AFM: variants seen among roughly 807,000 people sequenced by gnomAD.
AFM encodes afamin.
A neutral mutation model predicts 68.7 loss-of-function variants in AFM; 82 were observed. The ratio of observed to expected loss-of-function variants is 1.19; its 90% CI spans 1.00 to 1.43. The LOEUF (loss-of-function observed/expected upper bound fraction) is 1.43, where lower values mean the gene tolerates loss of function less well. AFM is among the 40% of genes most tolerant of loss of function. The pLI, the probability that AFM is intolerant of heterozygous loss-of-function variation, is 0.00. For missense variants in AFM, 772 were observed against 701.8 expected, an observed-to-expected ratio of 1.10 and a Z score of -1.13; for synonymous variants, 250 against 234.2, an observed-to-expected ratio of 1.07 and a Z score of -0.61.
At chr4:73,501,750 G>T in intron 12 of AFM, 37 bp from the exon 13 acceptor site, 1 of 1,592,624 alleles carries the variant, frequency 6.3e-7, no homozygotes, top group Non-Finnish European at 8.6e-7. Flanking sequence ...CAGAAAGAAA[G>T]CGTTAATTAA....
chr4:73,481,907 G>A (rs1720726250), intron 1 of AFM, 44 bp downstream of exon 1: 1 of 1,319,382 alleles, frequency 7.6e-7, no homozygotes, highest in South Asian at 1.3e-5. Flanking sequence ...GACCAGTTAG[G>A]ATAATTTCTA....
At chr4:73,488,330 A>G (rs6857964) in intron 6 of AFM, among the ~76,000 whole-genome samples, 151,913 of 152,274 alleles carry the variant, frequency 1, 75,779 homozygotes, top group Middle Eastern at 1. Context: ...TGAGCTTACA[A>G]TAGGAAGTGG....
At chr4:73,484,474 C>CTTTCTTTCTTTCTT (rs1560408042) in intron 3 of AFM, 84 bp downstream of exon 3, 70 of 584,950 alleles carry the variant, frequency 1.2e-4, no homozygotes, top group Middle Eastern at 3.4e-4. Context: ...TTCTTTCTTT[C>CTTTCTTTCTTTCTT]TTTCTTTCTT....
chr4:73,491,726 T>A, intron 7 of AFM, 146 bp from the exon 8 acceptor site: 1 of 741,802 alleles, frequency 1.3e-6, no homozygotes, highest in African/African-American at 1.8e-5. Flanking sequence ...AATCCAAAAT[T>A]TAATTCAAAC....
At chr4:73,502,942 G>A in intron 13 of AFM, 108 bp from the exon 14 acceptor site, 9 of 1,036,792 alleles carry the variant, frequency 8.7e-6, no homozygotes, top group Non-Finnish European at 1.3e-5. Flanking sequence ...GTACAACGTG[G>A]GAATGATTTA....
chr4:73,501,272 T>G (rs1286383283), intron 12 of AFM, among the ~76,000 whole-genome samples: 1 of 152,152 alleles, frequency 6.6e-6, no homozygotes, highest in Admixed American at 6.6e-5. Context: ...ATATAATAGT[T>G]GTACATATTT....
At chr4:73,500,336 C>A in intron 12 of AFM, 109 bp downstream of exon 12, 1 of 982,142 alleles carries the variant, frequency 1.0e-6, no homozygotes, top group Non-Finnish European at 1.5e-6. Flanking sequence ...CAATCCTGTT[C>A]CTTCCACCAA....
At chr4:73,499,530 GT>G (rs1334019133) in intron 11 of AFM, among the ~76,000 whole-genome samples, 3 of 152,044 alleles carry the variant, frequency 2.0e-5, no homozygotes, top group Admixed American at 6.6e-5. Flanking sequence ...TCATAATATT[GT>G]TTCAAAATGA....
chr4:73,501,908 T>G lies in AFM; in HGVS notation c.1768T>G (p.Phe590Val). The G allele has an allele frequency of 6.2e-7, 1 of 1,610,790 alleles. No homozygotes were observed. Among genetic ancestry groups the G allele is most frequent in the East Asian group, 2.2e-5 (1 of 44,842 alleles). ...CAAAGCAGAGAGTCCTGAAGTCTGCTTTAATGAAGAGGTAGTTTTATTTCT... is the reference window on the plus strand; with the variant it reads ...CAAAGCAGAGAGTCCTGAAGTCTGCGTTAATGAAGAGGTAGTTTTATTTCT... ...CCKAESPEVC[F>V]NEESPKIGN Residue 590 changes from phenylalanine (F) to valine (V), a missense_variant, in exon 13 of 15, where the codon TTT (phenylalanine) becomes GTT (valine). Physicochemically the swap from Phe to Val is conservative, Grantham distance 50. Coordinates refer to ENST00000226355, the MANE Select transcript of AFM (RefSeq NM_001133.2).
chr4:73,495,868 A>G (rs1207816486), intron 9 of AFM, among the ~76,000 whole-genome samples: 1 of 152,250 alleles, frequency 6.6e-6, no homozygotes, highest in African/African-American at 2.4e-5. Context: ...AAGGTTACAA[A>G]GAACCCTTTT....
At position 73,484,458 on chromosome 4, in the gene AFM, C is replaced by T. The variant is rs554760726; in HGVS notation, c.270+68C>T. ...TTTCTTTCTCTTTCTTTCTTTCTTT[C>T]TTTCTTTCTTTCTTTCTTTCTTTCT... is the stretch of plus-strand genomic sequence containing the variant. On this transcript the variant is annotated intron_variant, in intron 3 of 14. Coordinates refer to ENST00000226355, the MANE Select transcript of AFM (RefSeq NM_001133.2). 8.7e-6 allele frequency: 4 copies of T among 462,142 alleles called. No homozygotes were observed. In the East Asian group the frequency reaches 1.1e-4, roughly 12 times the overall value. The allele number at this position is 462,142 out of a possible 1,614,324, so 28.6% of individuals were successfully genotyped here.
rs1377889427 is a variant in AFM at position 73,484,495 on chromosome 4, TTTCTTTCTTTCATTCTTTCTTTC to T, written c.270+117_270+139del. The T allele has an allele frequency of 2.7e-4, 201 of 731,780 alleles. 1 individual carries two copies. The African/African-American group carries it at 3.9e-3, about 14-fold the overall frequency. The allele number at this position is 731,780 out of a possible 1,614,324, so 45.3% of individuals were successfully genotyped here. On this transcript the variant is annotated intron_variant, in intron 3 of 14. Transcript: ENST00000226355. ...CTTTCTTTCTTTCTTTCTTTCTTTC[TTTCTTTCTTTCATTCTTTCTTTC>T]TTCTTTCTTTCTTTCTTTCCTTCTT... is the stretch of plus-strand genomic sequence containing the variant.
intron 3 of AFM, among the ~76,000 whole-genome samples, chr4:73,484,714 T>C (rs1720842959): frequency 6.6e-6 from 1 of 151,878 alleles, no homozygotes; most frequent in Non-Finnish European, 1.5e-5. Flanking sequence ...TTTTTGTATT[T>C]TTAGTAGAGA....
intron 1 of AFM, among the ~76,000 whole-genome samples, chr4:73,482,735 C>G (rs2149341957): frequency 6.6e-6 from 1 of 152,284 alleles, no homozygotes; most frequent in African/African-American, 2.4e-5. Context: ...GTTGCAAAGT[C>G]TCCTATGGCC....
intron 7 of AFM, among the ~76,000 whole-genome samples, chr4:73,491,018 A>C (rs1577976124): frequency 6.6e-6 from 1 of 152,194 alleles, no homozygotes; most frequent in East Asian, 1.9e-4. Flanking sequence ...GCTTGAGTAA[A>C]GTCATAAAGG....
Position 73,499,360 on chromosome 4 carries a change from T to C in AFM, c.1422+114T>C, listed in dbSNP as rs1721355720. 9 of 1,128,092 alleles carry C rather than the reference T, an allele frequency of 8.0e-6. No homozygotes were observed. The South Asian group carries it at 2.3e-4, about 29-fold the overall frequency. The allele number at this position is 1,128,092 out of a possible 1,614,324, so 69.9% of individuals were successfully genotyped here. On this transcript the variant is annotated intron_variant, in intron 11 of 14. Coordinates refer to ENST00000226355, the MANE Select transcript of AFM (RefSeq NM_001133.2). ...TATTCCTTTCTTCACTGTTTTAATA[T>C]TGTTAAGCAAAAATTGTCAAGTTTT...
chr4:73,497,823 T>A, intron 10 of AFM, 74 bp downstream of exon 10: 2 of 1,002,900 alleles, frequency 2.0e-6, no homozygotes, highest in Non-Finnish European at 2.9e-6. Context: ...CGTAAAAAAG[T>A]TAGCTGTCAA....
chr4:73,498,284 A>G (rs1385533856), intron 10 of AFM, among the ~76,000 whole-genome samples: 1 of 151,634 alleles, frequency 6.6e-6, no homozygotes, highest in Non-Finnish European at 1.5e-5. Flanking sequence ...TATTGTTATT[A>G]TTATCATTAC....
At chr4:73,483,479 T>A (rs1720771282) in intron 1 of AFM, among the ~76,000 whole-genome samples, 1 of 152,214 alleles carries the variant, frequency 6.6e-6, no homozygotes, top group South Asian at 2.1e-4. Flanking sequence ...TTTAGGTGGA[T>A]CTGGAGATGA....
Sources: gnomAD v4.1 joint callset for allele counts (sites outside exome capture counted in the v4.1 genomes callset) on GRCh38, gnomAD v4.1.1 for gene constraint, MANE v1.5 for transcripts, NCBI Gene and HGNC (gene_info 2026-07-23, HGNC 2026-07-21) for gene names.